The following CLOCK variants were observed in gnomAD, a reference collection of about 807,000 sequenced individuals.
CLOCK encodes circadian locomoter output cycles protein kaput.
Under a neutral mutation model 118.4 loss-of-function variants are expected in CLOCK, and 43 were observed. That is an observed-to-expected ratio of 0.36 (90% CI 0.28 to 0.47). The LOEUF (loss-of-function observed/expected upper bound fraction) is 0.47. Among genes scored for constraint, CLOCK ranks in the 20% least tolerant of loss-of-function variants. The pLI, the probability that CLOCK is intolerant of heterozygous loss-of-function variation, is 1.00. For synonymous variants in CLOCK, 326 were observed against 339.2 expected, an observed-to-expected ratio of 0.96 and a Z score of 0.43; for missense variants, 846 against 999.9, an observed-to-expected ratio of 0.85 and a Z score of 2.08.
In CLOCK at chr4:55,438,298, G is replaced by A. The variant is rs767458103; in HGVS notation, c.2345C>T (p.Pro782Leu). 1.2e-5 allele frequency: 20 copies of A among 1,613,968 alleles called. No homozygotes were observed. The highest frequency in any genetic ancestry group is 5.0e-5 in the Admixed American group (3 of 59,982). Residue 782 changes from proline (P) to leucine (L), a missense_variant, in exon 22 of 23, where the codon CCG (proline) becomes CTG (leucine). Physicochemically the swap from Pro to Leu is moderately conservative, Grantham distance 98 (BLOSUM62 -3). Transcript: ENST00000513440. Reference sequence around the variant, plus strand: ...GAGAATTACCTGTAAAAATTGTTGCGGTGGCTGGGTCAGCTGAGCCTGAGA... The same window carrying A: ...GAGAATTACCTGTAAAAATTGTTGCAGTGGCTGGGTCAGCTGAGCCTGAGA... ...QPSQAQLTQP[P>L]QQFLQTSRLL...
At chr4:55,481,160 G>T (rs1191601656) in intron 4 of CLOCK, among the ~76,000 whole-genome samples, 1 of 152,002 alleles carries the variant, frequency 6.6e-6, no homozygotes, top group Non-Finnish European at 1.5e-5. Flanking sequence ...ACCTTTCTAT[G>T]GCCTATAAAG....
At position 55,435,576 on chromosome 4, in the gene CLOCK, C is replaced by T. The variant is rs1722811435; in HGVS notation, c.2380G>A (p.Gly794Arg). 2 of 1,613,776 alleles carry T rather than the reference C, an allele frequency of 1.2e-6. No individual in the cohort carries two copies. The highest frequency in any genetic ancestry group is 1.7e-5 in the Admixed American group (1 of 59,984). ...AGAATGAGTTGAGTTGAGGGATTCCCATGGAGCAACCTAGAAGTCTAAAAA... is the reference window on the plus strand; with the variant it reads ...AGAATGAGTTGAGTTGAGGGATTCCTATGGAGCAACCTAGAAGTCTAAAAA... Reference protein sequence around the residue: ...QFLQTSRLLHGNPSTQLILSA... With the variant: ...QFLQTSRLLHRNPSTQLILSA... Residue 794 changes from glycine (G) to arginine (R), a missense_variant, in exon 23 of 23, where the codon GGG (glycine) becomes AGG (arginine). Coordinates refer to ENST00000513440, the MANE Select transcript of CLOCK (RefSeq NM_004898.4).
intron 2 of CLOCK, among the ~76,000 whole-genome samples, chr4:55,508,650 T>C (rs1728956267): frequency 6.6e-6 from 1 of 151,390 alleles, no homozygotes; most frequent in Non-Finnish European, 1.5e-5. Flanking sequence ...TGGAGTGCAG[T>C]GGCATGATCT....
At chr4:55,503,979 A>T (rs7677284) in intron 2 of CLOCK, among the ~76,000 whole-genome samples, 196 of 38,434 alleles carry the variant, frequency 5.1e-3, no homozygotes, top group African/African-American at 0.022. Flanking sequence ...AAAAAGAGGT[A>T]AAAAAAAAAA....
intron 2 of CLOCK, among the ~76,000 whole-genome samples, chr4:55,491,232 G>GC (rs1381166202): frequency 1.5e-5 from 1 of 64,706 alleles, no homozygotes; most frequent in East Asian, 3.9e-4. Flanking sequence ...CTGCAGGTGT[G>GC]CTAAAAAAAA....
At position 55,507,213 on chromosome 4, in the gene CLOCK, G is replaced by A. The variant is rs4865002; in HGVS notation, c.-136+2699C>T. 3.4e-3 allele frequency among the ~76,000 whole-genome samples: 514 copies of A among 152,212 alleles called. 2 individuals are homozygous for A. The highest frequency in any genetic ancestry group is 0.011 in the African/African-American group (469 of 41,510). Reference sequence around the variant, plus strand: ...ACCTATAGTCTCAGCTACTCAGGAGGCTAAGGTGCGACGATCGCTTGAGCC... The same window carrying A: ...ACCTATAGTCTCAGCTACTCAGGAGACTAAGGTGCGACGATCGCTTGAGCC... On this transcript the variant is annotated intron_variant, in intron 2 of 22. Transcript: ENST00000513440.
chr4:55,527,386 C>G (rs946600168), intron 1 of CLOCK, among the ~76,000 whole-genome samples: 2 of 151,984 alleles, frequency 1.3e-5, no homozygotes, highest in Non-Finnish European at 2.9e-5. Context: ...AAAACAAAAG[C>G]ATGTTTGGGG....
intron 5 of CLOCK, 135 bp downstream of exon 5, chr4:55,479,505 A>G (rs1726766848): frequency 2.8e-6 from 2 of 702,772 alleles, no homozygotes; most frequent in East Asian, 2.8e-5. Flanking sequence ...CCAATATTCT[A>G]AGTTCTTCCA....
At chr4:55,537,489 C>G (rs986298837) in intron 1 of CLOCK, among the ~76,000 whole-genome samples, 1 of 152,048 alleles carries the variant, frequency 6.6e-6, no homozygotes, top group African/African-American at 2.4e-5. Context: ...CATGATGGCA[C>G]GCGCCTGTAA....
intron 1 of CLOCK, among the ~76,000 whole-genome samples, chr4:55,533,438 A>G (rs1377489442): frequency 6.6e-6 from 1 of 152,226 alleles, no homozygotes; most frequent in Non-Finnish European, 1.5e-5. Flanking sequence ...AAGCCAAAAT[A>G]TGATATTACT....
At chr4:55,539,741 G>GTTGGACATT (rs1398224005) in intron 1 of CLOCK, among the ~76,000 whole-genome samples, 1 of 151,968 alleles carries the variant, frequency 6.6e-6, no homozygotes, top group Non-Finnish European at 1.5e-5. Context: ...TCCAACAGAA[G>GTTGGACATT]ATTGATAAGT....
intron 1 of CLOCK, among the ~76,000 whole-genome samples, chr4:55,516,254 T>C (rs1484978065): frequency 6.6e-6 from 1 of 152,220 alleles, no homozygotes; most frequent in Non-Finnish European, 1.5e-5. Flanking sequence ...ATGTTTTTAC[T>C]GGTTTTCTGC....
At chr4:55,508,511 T>A (rs555060851) in intron 2 of CLOCK, among the ~76,000 whole-genome samples, 1 of 152,082 alleles carries the variant, frequency 6.6e-6, no homozygotes, top group Non-Finnish European at 1.5e-5. Context: ...TCTTAAACCA[T>A]AGCACTCAAA....
chr4:55,464,907 T>G (rs1317849869), intron 8 of CLOCK, among the ~76,000 whole-genome samples: 1 of 152,278 alleles, frequency 6.6e-6, no homozygotes, highest in East Asian at 1.9e-4. Flanking sequence ...CTGTCTTTTC[T>G]CCAGCCCTCC....
At chr4:55,498,612 A>ATTATTATTATTATTAT (rs1728240648) in intron 2 of CLOCK, among the ~76,000 whole-genome samples, 1 of 151,088 alleles carries the variant, frequency 6.6e-6, no homozygotes, top group Admixed American at 6.6e-5. Flanking sequence ...CCTTATTATT[A>ATTATTATTATTATTAT]TTATTATTAT....
At chr4:55,528,136 C>G (rs1471597914) in intron 1 of CLOCK, among the ~76,000 whole-genome samples, 2 of 151,834 alleles carry the variant, frequency 1.3e-5, no homozygotes, top group African/African-American at 4.8e-5. Flanking sequence ...GGTGGGTGGT[C>G]AGGAGTTCAA....
chr4:55,469,913 G>T (rs1008509107), intron 8 of CLOCK, among the ~76,000 whole-genome samples: 3 of 152,040 alleles, frequency 2.0e-5, no homozygotes, highest in Non-Finnish European at 4.4e-5. Flanking sequence ...TCACCATGTT[G>T]CCCAGGCTGG....
At chr4:55,526,217 T>A (rs552500820) in intron 1 of CLOCK, among the ~76,000 whole-genome samples, 46 of 152,242 alleles carry the variant, frequency 3.0e-4, no homozygotes, top group African/African-American at 1.1e-3. Flanking sequence ...TATTTCAAGG[T>A]AGGCAAAGGG....
At chr4:55,480,332 A>C (rs1726831461) in intron 4 of CLOCK, among the ~76,000 whole-genome samples, 2 of 152,180 alleles carry the variant, frequency 1.3e-5, no homozygotes, top group African/African-American at 4.8e-5. Context: ...TTGCACAAAC[A>C]TGGCTCACTG....
Sources: allele counts gnomAD v4.1 joint callset (sites outside exome capture counted in the v4.1 genomes callset), GRCh38; gene constraint gnomAD v4.1.1; transcripts MANE v1.5; gene names NCBI Gene and HGNC (gene_info 2026-07-23, HGNC 2026-07-21).